HMGXB3: variants seen among roughly 807,000 people sequenced by gnomAD.
HMGXB3 encodes the protein HMG domain-containing protein 3.
A neutral mutation model predicts 121.5 loss-of-function variants in HMGXB3; 45 were observed. The observed-to-expected ratio is 0.37, with a 90% CI of 0.29 to 0.47. The LOEUF (loss-of-function observed/expected upper bound fraction) is 0.47, where lower values mean the gene tolerates loss of function less well. Among genes scored for constraint, HMGXB3 ranks in the 20% least tolerant of loss-of-function variants. The probability of loss-of-function intolerance (pLI) is 0.99; values close to 1 mark genes in which losing one functional copy is unlikely to be tolerated. For synonymous variants in HMGXB3, 590 were observed against 624.1 expected, an observed-to-expected ratio of 0.95 and a Z score of 0.81; for missense variants, 1,376 against 1,602.2, an observed-to-expected ratio of 0.86 and a Z score of 2.41.
intron 4 of HMGXB3, 80 bp from the exon 5 acceptor site, chr5:150,012,175 C>T: frequency 1.1e-6 from 1 of 929,040 alleles, no homozygotes; most frequent in Non-Finnish European, 1.7e-6. Flanking sequence ...AAACTTAATC[C>T]AGGCTTCCAG....
Position 150,032,446 on chromosome 5 carries a change from T to G in HMGXB3, c.1834-8T>G. ...TTGTAGAATTGAACACTGGTCTTAC[T>G]TTTTTAGGATTTGGGCCTGGCTACA... On this transcript the variant is annotated splice_polypyrimidine_tract_variant and splice_region_variant and intron_variant, in intron 10 of 19. Transcript: ENST00000502717. 1 of 1,550,740 alleles carries G rather than the reference T, an allele frequency of 6.4e-7. No homozygotes were observed. The highest frequency in any genetic ancestry group is 1.4e-5 in the African/African-American group (1 of 73,140).
chr5:150,001,290 A>T (rs1755557485), intron 1 of HMGXB3, 111 bp downstream of exon 1: 1 of 152,300 alleles, frequency 6.6e-6, no homozygotes, highest in Admixed American at 6.5e-5. Flanking sequence ...ACTGAGCCTT[A>T]GTGTCCTCCT....
intron 16 of HMGXB3, 25 bp from the exon 17 acceptor site, chr5:150,047,599 C>A: frequency 6.4e-7 from 1 of 1,551,210 alleles, no homozygotes; most frequent in Non-Finnish European, 8.7e-7. Context: ...CAGCACCCTC[C>A]CACCAGCACT....
chr5:150,006,758 C>A, intron 3 of HMGXB3, 111 bp downstream of exon 3: 2 of 910,748 alleles, frequency 2.2e-6, no homozygotes, highest in African/African-American at 1.7e-5. Context: ...AAAGTTTCAT[C>A]GTTTTATCCT....
Position 150,032,453 on chromosome 5 carries a change from G to C in HMGXB3, c.1834-1G>C. 1 of 1,550,542 alleles carries C rather than the reference G, an allele frequency of 6.4e-7. No homozygotes were observed. The highest frequency in any genetic ancestry group is 8.7e-7 in the Non-Finnish European group (1 of 1,146,414). On this transcript the variant is annotated splice_acceptor_variant, in intron 10 of 19. Transcript: ENST00000502717. LOFTEE classifies it high-confidence loss of function. ...ATTGAACACTGGTCTTACTTTTTTA[G>C]GATTTGGGCCTGGCTACATCAAGAG...
At chr5:150,034,293 A>G (rs369718133) in intron 11 of HMGXB3, among the ~76,000 whole-genome samples, 14 of 152,176 alleles carry the variant, frequency 9.2e-5, no homozygotes, top group East Asian at 5.8e-4. Flanking sequence ...TGAGACCACA[A>G]TCTCTTCTAG....
chr5:150,050,444 C>T lies in HMGXB3; in HGVS notation c.3394C>T (p.Pro1132Ser). 6.4e-7 allele frequency: 1 copy of T among 1,551,298 alleles called. No homozygotes were observed. The part of the protein sequence containing the change: ...WGRNQGCFSS[P>S]TEPPVSVSCP... ...GAGGAACCAGGGCTGTTTCTCTAGCCCCACAGAGCCACCTGTGGTGAGTCA... is the reference window on the plus strand; with the variant it reads ...GAGGAACCAGGGCTGTTTCTCTAGCTCCACAGAGCCACCTGTGGTGAGTCA... The change falls in exon 19 of 20, where the codon CCC becomes TCC. Residue 1132 changes from proline (P) to serine (S), a missense_variant. By Grantham distance (74) the Pro-to-Ser change is moderately conservative. Transcript: ENST00000502717.
chr5:150,008,090 CACACACACAA>C (rs1011566381), intron 3 of HMGXB3, among the ~76,000 whole-genome samples: 1 of 150,496 alleles, frequency 6.6e-6, no homozygotes. Flanking sequence ...CACACACACA[CACACACACAA>C]ATCAGCAATC....
intron 9 of HMGXB3, among the ~76,000 whole-genome samples, chr5:150,029,650 C>A (rs943913536): frequency 6.6e-6 from 1 of 152,024 alleles, no homozygotes; most frequent in Non-Finnish European, 1.5e-5. Flanking sequence ...AATGTTATGA[C>A]CCCTCATTGG....
At chr5:150,001,662 C>G (rs1281951582) in intron 1 of HMGXB3, among the ~76,000 whole-genome samples, 1 of 152,130 alleles carries the variant, frequency 6.6e-6, no homozygotes, top group Non-Finnish European at 1.5e-5. Flanking sequence ...CGTTTTTAAC[C>G]TTAAATTGTC....
chr5:150,021,709 C>G (rs959998088), intron 6 of HMGXB3: 3 of 513,180 alleles, frequency 5.8e-6, no homozygotes, highest in African/African-American at 3.9e-5. Context: ...TGTCTTAGAA[C>G]CTTGACCACA....
chr5:150,014,346 A>G (rs1755913190), intron 5 of HMGXB3, among the ~76,000 whole-genome samples: 1 of 152,232 alleles, frequency 6.6e-6, no homozygotes, highest in Non-Finnish European at 1.5e-5. Context: ...TGCAGTTTAA[A>G]CAAACTGTGA....
chr5:150,041,806 A>T lies in HMGXB3; in HGVS notation c.2567A>T (p.Glu856Val). 2 of 1,551,374 alleles carry T rather than the reference A, an allele frequency of 1.3e-6. No individual in the cohort carries two copies. Among genetic ancestry groups the T allele is most frequent in the Non-Finnish European group, 1.7e-6 (2 of 1,146,806 alleles). ...EQTEKTLTSE[E>V]LSQLQELLCN... ...TCAGAGAAGACTCTGACCTCGGAGG[A>T]GCTGAGCCAGCTGCAGGAGCTGCTG... Residue 856 changes from glutamate to valine, a missense_variant, in exon 15 of 20, where the codon GAG becomes GTG. Around this residue, in one of 2 missense-constraint regions of HMGXB3, gnomAD observed 1,116 missense variants for 1,369.0 expected, o/e 0.82. Transcript: ENST00000502717.
intron 6 of HMGXB3, 142 bp from the exon 7 acceptor site, chr5:150,024,120 T>G: frequency 1.2e-4 from 88 of 708,114 alleles, no homozygotes; most frequent in East Asian, 2.0e-4. Context: ...GTTTTACACT[T>G]GAGATCTTAA....
chr5:150,050,194 C>A, intron 18 of HMGXB3, 58 bp from the exon 19 acceptor site: 2 of 1,403,398 alleles, frequency 1.4e-6, no homozygotes, highest in Non-Finnish European at 2.0e-6. Context: ...GAGAACTGTA[C>A]ACTCTCTGCA....
chr5:150,014,599 A>G (rs758142037), intron 5 of HMGXB3, among the ~76,000 whole-genome samples: 9 of 152,212 alleles, frequency 5.9e-5, no homozygotes, highest in Non-Finnish European at 1.2e-4. Flanking sequence ...TTACCCAGGT[A>G]CACACCACAC....
intron 7 of HMGXB3, among the ~76,000 whole-genome samples, chr5:150,025,475 A>G (rs149273501): frequency 1.5e-4 from 23 of 150,304 alleles, no homozygotes; most frequent in African/African-American, 3.0e-4. Flanking sequence ...GCAAATATGT[A>G]TGTGTGTGTG....
chr5:150,028,419 T>A (rs145230635), intron 9 of HMGXB3, among the ~76,000 whole-genome samples: 1 of 146,110 alleles, frequency 6.8e-6, no homozygotes, highest in South Asian at 2.1e-4. Flanking sequence ...TATATATATA[T>A]ATATGTATAT....
Position 150,030,554 on chromosome 5 carries a change from C to T in HMGXB3, c.1735-187C>T, listed in dbSNP as rs919198253. On this transcript the variant is annotated intron_variant, in intron 9 of 19. Coordinates refer to ENST00000502717, the MANE Select transcript of HMGXB3 (RefSeq NM_014983.3). ...ACTGCACAGAAGCATGTGGCAAGGC[C>T]TGGACTTGAACATGACACTCAGCCT... 5.2e-6 allele frequency: 3 copies of T among 575,954 alleles called. No individual in the cohort carries two copies. The African/African-American group carries it at 5.6e-5, about 11-fold the overall frequency. The allele number at this position is 575,954 out of a possible 1,614,324, so 35.7% of individuals were successfully genotyped here.
Sources: gnomAD v4.1 joint callset for allele counts (sites outside exome capture counted in the v4.1 genomes callset) on GRCh38, gnomAD v4.1.1 for gene constraint, gnomAD v4.1.1 regional missense constraint, MANE v1.5 for transcripts, NCBI Gene and HGNC (gene_info 2026-07-23, HGNC 2026-07-21) for gene names.